Variants in BRD1 observed in about 807,000 individuals in gnomAD.
BRD1 encodes the protein bromodomain-containing protein 1.
Under a neutral mutation model 107.7 loss-of-function variants are expected in BRD1, and 24 were observed. The observed-to-expected ratio is 0.22, with a 90% CI of 0.16 to 0.31. BRD1 has a LOEUF of 0.31. BRD1 is among the 10% of genes least tolerant of loss of function. The probability of loss-of-function intolerance (pLI) is 1.00; values close to 1 mark genes in which losing one functional copy is unlikely to be tolerated. For synonymous variants in BRD1, 744 were observed against 686.1 expected (o/e 1.08, Z -1.32); for missense variants, 1,279 against 1,638.6 (o/e 0.78, Z 3.79).
At position 49,776,170 on chromosome 22, in the gene BRD1, G is replaced by GGGCGTCAGCAGGACACA. The variant is rs753345791; in HGVS notation, c.3122-28_3122-12dup. On this transcript the variant is annotated splice_polypyrimidine_tract_variant and intron_variant, in intron 10 of 12. Transcript: ENST00000404760. ...TGCTCTGGCCGACTTCTGCGGAGAGGGGCGTCAGCAGGACACAGGCGTCAG... is the reference window on the plus strand; with the variant it reads ...TGCTCTGGCCGACTTCTGCGGAGAGGGGCGTCAGCAGGACACAGGCGTCAGCAGGACACAGGCGTCAG... The GGGCGTCAGCAGGACACA allele has an allele frequency of 1.9e-5, 30 of 1,600,910 alleles. No homozygotes were observed. Among genetic ancestry groups the GGGCGTCAGCAGGACACA allele is most frequent in the Middle Eastern group, 3.3e-4 (2 of 6,074 alleles).
intron 3 of BRD1, among the ~76,000 whole-genome samples, chr22:49,802,064 A>G (rs1206694603): frequency 1.3e-5 from 2 of 152,228 alleles, no homozygotes; most frequent in African/African-American, 4.8e-5. Flanking sequence ...CAGCCCCGAG[A>G]TAAGACCCAA....
Position 49,774,241 on chromosome 22 carries a change from T to A in BRD1, c.3562A>T (p.Ile1188Phe). 6.2e-7 allele frequency: 1 copy of A among 1,613,440 alleles called. No individual in the cohort carries two copies. The highest frequency in any genetic ancestry group is 8.5e-7 in the Non-Finnish European group (1 of 1,179,570). ...CGCTGGCGGCCGGGCCGTCAGTCAA[T>A]GTCACTGAGGTCGCTGGTCGGCTCC... is the stretch of plus-strand genomic sequence containing the variant. The part of the protein sequence containing the change: ...HGEPTSDLSD[I>F]D The change falls in exon 13 of 13, where the codon ATT (isoleucine) becomes TTT (phenylalanine). Residue 1188 changes from isoleucine (I) to phenylalanine (F), a missense_variant. Coordinates refer to ENST00000404760, the MANE Select transcript of BRD1 (RefSeq NM_001304808.3).
chr22:49,816,263 G>C (rs1309126278), intron 2 of BRD1, among the ~76,000 whole-genome samples: 1 of 151,986 alleles, frequency 6.6e-6, no homozygotes, highest in Non-Finnish European at 1.5e-5. Flanking sequence ...GGACCACTTG[G>C]GCCCAGGAGT....
intron 2 of BRD1, among the ~76,000 whole-genome samples, chr22:49,811,654 C>T (rs1005452649): frequency 6.6e-6 from 1 of 152,214 alleles, no homozygotes; most frequent in Non-Finnish European, 1.5e-5. Flanking sequence ...TTATGAACTG[C>T]TTACTGCTGG....
chr22:49,822,510 C>T lies in BRD1; in HGVS notation c.1367+441G>A, dbSNP rs1601750080. Among the ~76,000 whole-genome samples, 10 of 151,752 alleles carry T rather than the reference C, an allele frequency of 6.6e-5. 3 individuals are homozygous for T. The highest frequency in any genetic ancestry group is 6.6e-4 in the Admixed American group (10 of 15,240). ...ATCACTTGAGGTCAGGCGTTTGAGA[C>T]CAGCCTAGCCAACATGGTGAAACCC... On this transcript the variant is annotated intron_variant, in intron 2 of 12. Coordinates refer to ENST00000404760, the MANE Select transcript of BRD1 (RefSeq NM_001304808.3).
chr22:49,801,995 C>A (rs1331507182), intron 3 of BRD1, among the ~76,000 whole-genome samples: 1 of 152,224 alleles, frequency 6.6e-6, no homozygotes, highest in Non-Finnish European at 1.5e-5. Context: ...ACATCCATGC[C>A]CACTTTCCAT....
Position 49,803,893 on chromosome 22 carries a change from G to A in BRD1, c.1524+311C>T, listed in dbSNP as rs2059688951. On this transcript the variant is annotated intron_variant, in intron 3 of 12. Coordinates refer to ENST00000404760, the MANE Select transcript of BRD1 (RefSeq NM_001304808.3). The surrounding 1 kb of genome is among the most constrained non-coding windows in gnomAD (Gnocchi z 4.4). ...CAGCCACAGCATAACACATCCCTGA[G>A]CATCCCCAGTCCCCAGAGCTGGCCA... Among the ~76,000 whole-genome samples the A allele has an allele frequency of 6.6e-6, 1 of 152,232 alleles. No homozygotes were observed. The highest frequency in any genetic ancestry group is 1.5e-5 in the Non-Finnish European group (1 of 68,040).
chr22:49,776,155 G>T lies in BRD1; in HGVS notation c.3126C>A (p.Val1042=), dbSNP rs375610161. 6.2e-7 allele frequency: 1 copy of T among 1,603,882 alleles called. No homozygotes were observed. Among genetic ancestry groups the T allele is most frequent in the Admixed American group, 1.7e-5 (1 of 59,964 alleles). ...YAKAARIAAE[V]GQSSMWISTD... ...TGGAGATCCACATGCTGCTCTGGCCGACTTCTGCGGAGAGGGGCGTCAGCA... is the reference window on the plus strand; with the variant it reads ...TGGAGATCCACATGCTGCTCTGGCCTACTTCTGCGGAGAGGGGCGTCAGCA... The change falls in exon 11 of 13, where the codon GTC becomes GTA. Residue 1042 remains valine (V), a synonymous_variant. Coordinates refer to ENST00000404760, the MANE Select transcript of BRD1 (RefSeq NM_001304808.3).
rs780949696 is a variant in BRD1 at position 49,777,771 on chromosome 22, G to A, written c.2900C>T (p.Pro967Leu). 58 of 1,605,152 alleles carry A rather than the reference G, an allele frequency of 3.6e-5. 1 individual carries two copies. The highest frequency in any genetic ancestry group is 1.1e-4 in the East Asian group (5 of 44,720). ...GFGGARSEQE[P>L]GGGLGRKATP... ...GGCCTTCCTCCCCAGGCCGCCGCCC[G>A]GCTCCTGCTCGCTCCTCGCACCCCC... The change falls in exon 9 of 13, where the codon CCG becomes CTG. Residue 967 changes from proline (P) to leucine (L), a missense_variant. Transcript: ENST00000404760.
chr22:49,824,687 A>C lies in BRD1; in HGVS notation c.-14-356T>G. The C allele has an allele frequency of 9.1e-7, 1 of 1,093,812 alleles. No homozygotes were observed. Among genetic ancestry groups the C allele is most frequent in the Non-Finnish European group, 1.1e-6 (1 of 895,696 alleles). 67.8% of individuals were successfully genotyped at this position (1,093,812 alleles called of 1,614,324 possible). On this transcript the variant is annotated intron_variant, in intron 1 of 12. Transcript: ENST00000404760. The surrounding 1 kb of genome is among the most constrained non-coding windows in gnomAD (Gnocchi z 5.9). ...CCGGCCCAGAGCCCACAGTTGCAGG[A>C]CTTTCCCAGCATGCAGGCGGTCCCC...
rs1265003282 is a variant in BRD1 at position 49,827,690 on chromosome 22, G to C, written c.-208C>G. Among the ~76,000 whole-genome samples the C allele has an allele frequency of 6.9e-6, 1 of 145,202 alleles. No homozygotes were observed. The highest frequency in any genetic ancestry group is 1.5e-5 in the Non-Finnish European group (1 of 65,474). ...CGGCAGCGGCGGCCGCGGACTCTCG[G>C]GCAGCGGCTCGCGCGGCGCGGGCTC... is the stretch of plus-strand genomic sequence containing the variant. On this transcript the variant is annotated 5_prime_UTR_variant, in exon 1 of 13. Coordinates refer to ENST00000404760, the MANE Select transcript of BRD1 (RefSeq NM_001304808.3).
At chr22:49,791,106 C>T (rs1187666313) in intron 7 of BRD1, among the ~76,000 whole-genome samples, 1 of 152,262 alleles carries the variant, frequency 6.6e-6, no homozygotes, top group African/African-American at 2.4e-5. Context: ...GCTGCAGATC[C>T]GTCCCACAGG....
intron 8 of BRD1, among the ~76,000 whole-genome samples, chr22:49,780,170 G>A (rs1401715523): frequency 6.6e-6 from 1 of 152,172 alleles, no homozygotes; most frequent in Non-Finnish European, 1.5e-5. Context: ...ACCCGCAGCT[G>A]TGCCAGCACC....
intron 8 of BRD1, 147 bp from the exon 9 acceptor site, chr22:49,777,960 G>A (rs914812299): frequency 3.2e-5 from 37 of 1,169,496 alleles, no homozygotes; most frequent in African/African-American, 2.2e-4. Flanking sequence ...CCAAGTTCCC[G>A]AGCATAGTCC....
At chr22:49,795,937 A>G (rs1348153442) in intron 6 of BRD1, among the ~76,000 whole-genome samples, 1 of 152,218 alleles carries the variant, frequency 6.6e-6, no homozygotes, top group Non-Finnish European at 1.5e-5. Context: ...TGGAGAGCGC[A>G]GCTTCAGAGA....
At position 49,824,265 on chromosome 22, in the gene BRD1, G is replaced by A. The variant is rs763180902; in HGVS notation, c.53C>T (p.Ser18Phe). ...HRGSAARHPS[S>F]PCSVKHSPTR... ...AGGGGAGTGTTTAACACTGCATGGG[G>A]AAGAAGGATGCCTCGCTGCAGAGCC... Residue 18 changes from serine to phenylalanine, a missense_variant, in exon 2 of 13, where the codon TCC becomes TTC. By Grantham distance (155) the Ser-to-Phe change is radical. This residue lies in a region of BRD1 where 223 missense variants were observed against 263.5 expected (regional missense o/e 0.85). Transcript: ENST00000404760. The surrounding 1 kb of genome is among the most constrained non-coding windows in gnomAD (Gnocchi z 5.9). 6.2e-7 allele frequency: 1 copy of A among 1,613,974 alleles called. No individual in the cohort carries two copies. Among genetic ancestry groups the A allele is most frequent in the Admixed American group, 1.7e-5 (1 of 60,014 alleles).
At chr22:49,813,920 C>T (rs565304044) in intron 2 of BRD1, among the ~76,000 whole-genome samples, 1 of 152,076 alleles carries the variant, frequency 6.6e-6, no homozygotes, top group Non-Finnish European at 1.5e-5. Flanking sequence ...TCAAGCAGAC[C>T]CAGCATGCAC....
In BRD1 at chr22:49,783,039, C is replaced by T. The variant is rs1284149239; in HGVS notation, c.2857+4351G>A. On this transcript the variant is annotated intron_variant, in intron 8 of 12. Transcript: ENST00000404760. This position sits in a 1 kb window ranked among gnomAD's most constrained non-coding sequence, Gnocchi z 4.2. ...GGTCAGAGACAGACCCAAGGCCCATCGTGCTGGGACTCGCTCCGTGACAAT... is the reference window on the plus strand; with the variant it reads ...GGTCAGAGACAGACCCAAGGCCCATTGTGCTGGGACTCGCTCCGTGACAAT... Among the ~76,000 whole-genome samples, 2 of 150,942 alleles carry T rather than the reference C, an allele frequency of 1.3e-5. No homozygotes were observed. Among genetic ancestry groups the T allele is most frequent in the African/African-American group, 4.9e-5 (2 of 40,934 alleles).
At chr22:49,825,424 C>A (rs1478865333) in intron 1 of BRD1, among the ~76,000 whole-genome samples, 1 of 152,172 alleles carries the variant, frequency 6.6e-6, no homozygotes, top group Admixed American at 6.5e-5. Context: ...AGCTGCCTCC[C>A]ATACCTCCAG....
Sources: gnomAD v4.1 joint callset for allele counts (sites outside exome capture counted in the v4.1 genomes callset) on GRCh38, gnomAD v4.1.1 for gene constraint, gnomAD v4.1.1 regional missense constraint, Gnocchi (gnomAD v3.1) non-coding constraint, MANE v1.5 for transcripts, NCBI Gene and HGNC (gene_info 2026-07-23, HGNC 2026-07-21) for gene names.